ADGRD1: variants seen among roughly 807,000 people sequenced by gnomAD.
ADGRD1 encodes G-protein coupled receptor 133.
A neutral mutation model predicts 113.4 loss-of-function variants in ADGRD1; 77 were observed. That is an observed-to-expected ratio of 0.68 (90% CI 0.57 to 0.82). The LOEUF is 0.82. Ranked by LOEUF, ADGRD1 falls within the 40% of genes least tolerant of loss-of-function variation. The pLI, the probability that ADGRD1 is intolerant of heterozygous loss-of-function variation, is 0.00. For missense variants in ADGRD1, 1,036 were observed against 1,139.1 expected (o/e 0.91, Z 1.30); for synonymous variants, 474 against 475.0 (o/e 1.00, Z 0.03).
chr12:131,103,454 TG>T (rs553625265), intron 15 of ADGRD1, among the ~76,000 whole-genome samples: 34 of 152,378 alleles, frequency 2.2e-4, no homozygotes, highest in African/African-American at 7.9e-4. Flanking sequence ...CTAGCACGTC[TG>T]TAGCCCCTCG....
At position 131,006,027 on chromosome 12, in the gene ADGRD1, C is replaced by G. The variant is rs758260260; in HGVS notation, c.1311C>G (p.Asn437Lys). ...LYHSMHYYLN[N>K]IWPAHTKIAE... ...ACAGCATGCACTACTACCTGAACAA[C>G]ATCTGGCCCGCCCACACCAAGTGAG... Residue 437 changes from asparagine to lysine, a missense_variant, in exon 12 of 25, where the codon AAC (asparagine) becomes AAG (lysine). Transcript: ENST00000261654. 1.2e-6 allele frequency: 2 copies of G among 1,612,832 alleles called. No homozygotes were observed. Among genetic ancestry groups the G allele is most frequent in the Non-Finnish European group, 1.7e-6 (2 of 1,179,982 alleles).
intron 15 of ADGRD1, among the ~76,000 whole-genome samples, chr12:131,101,256 G>A (rs886730697): frequency 6.6e-6 from 1 of 152,022 alleles, no homozygotes; most frequent in Non-Finnish European, 1.5e-5. Flanking sequence ...CTCTTGGGGG[G>A]CTTCCCAGGG....
At chr12:131,029,904 G>A (rs185690142) in intron 13 of ADGRD1, among the ~76,000 whole-genome samples, 10 of 43,800 alleles carry the variant, frequency 2.3e-4, no homozygotes, top group Admixed American at 5.6e-4. Context: ...CCCCTCGTTC[G>A]GTGACATTCC....
At position 130,971,648 on chromosome 12, in the gene ADGRD1, TGACTGGAA is replaced by T; in HGVS notation, c.310+71_310+78del. The T allele has an allele frequency of 6.6e-7, 1 of 1,508,042 alleles. No individual in the cohort carries two copies. The highest frequency in any genetic ancestry group is 9.0e-7 in the Non-Finnish European group (1 of 1,116,432). The allele number at this position is 1,508,042 out of a possible 1,614,324, so 93.4% of individuals were successfully genotyped here. A position where few individuals can be genotyped will look rare whatever the true frequency, so the allele number is the denominator to read the frequency against. ...TCTCAGGGAGCACCTGCTCCTCTGG[TGACTGGAA>T]GATGTGAACCTGAGGTTCTCATCAA... On this transcript the variant is annotated intron_variant, in intron 4 of 24. Transcript: ENST00000261654. The surrounding 1 kb of genome is among the most constrained non-coding windows in gnomAD (Gnocchi z 4.2).
At position 131,050,553 on chromosome 12, in the gene ADGRD1, G is replaced by C. The variant is rs1404726834; in HGVS notation, c.1474-26248G>C. ...AAGGCCTCCGGGAGCTACAGTCATG[G>C]CAGAAGGTGGAGGGAACCAGGCACG... On this transcript the variant is annotated intron_variant, in intron 13 of 24. Transcript: ENST00000261654. The surrounding 1 kb of genome is among the most constrained non-coding windows in gnomAD (Gnocchi z 4.8). Among the ~76,000 whole-genome samples, 1 of 152,142 alleles carries C rather than the reference G, an allele frequency of 6.6e-6. No homozygotes were observed. The highest frequency in any genetic ancestry group is 1.5e-5 in the Non-Finnish European group (1 of 68,024).
chr12:130,968,977 C>T lies in ADGRD1; in HGVS notation c.187+2431C>T, dbSNP rs533838870. The T allele has an allele frequency of 3.9e-5, 60 of 1,524,212 alleles. 1 individual carries two copies. The highest frequency in any genetic ancestry group is 3.3e-4 in the South Asian group (28 of 83,758). 94.4% of individuals were successfully genotyped at this position (1,524,212 alleles called of 1,614,324 possible). A position where few individuals can be genotyped will look rare whatever the true frequency, so the allele number is the denominator to read the frequency against. On this transcript the variant is annotated intron_variant, in intron 3 of 24. Coordinates refer to ENST00000261654, the MANE Select transcript of ADGRD1 (RefSeq NM_198827.5). ...TTTTTCTTTTTGTTGTTTCACCCAGCGTCCCGAACCCACAAGCTCACTGTG... is the reference window on the plus strand; with the variant it reads ...TTTTTCTTTTTGTTGTTTCACCCAGTGTCCCGAACCCACAAGCTCACTGTG...
chr12:131,056,145 T>C (rs1229425878), intron 13 of ADGRD1, among the ~76,000 whole-genome samples: 1 of 152,256 alleles, frequency 6.6e-6, no homozygotes, highest in Non-Finnish European at 1.5e-5. Flanking sequence ...GATTGTGTTA[T>C]GAAAATATTA....
At chr12:131,100,444 TG>T (rs1176344912) in intron 15 of ADGRD1, among the ~76,000 whole-genome samples, 1 of 151,994 alleles carries the variant, frequency 6.6e-6, no homozygotes, top group African/African-American at 2.4e-5. Context: ...TGGTTGATGA[TG>T]GGTTGGTTGA....
chr12:131,072,621 C>T (rs1023505416), intron 13 of ADGRD1, among the ~76,000 whole-genome samples: 4 of 152,156 alleles, frequency 2.6e-5, no homozygotes, highest in Admixed American at 6.5e-5. Context: ...TGGGGGGTGG[C>T]GCCTGCATTC....
rs1402539821 is a variant in ADGRD1 at position 131,003,173 on chromosome 12, G to A, written c.1027-12G>A. The A allele has an allele frequency of 1.0e-5, 16 of 1,599,566 alleles. No individual in the cohort carries two copies. Among genetic ancestry groups the A allele is most frequent in the African/African-American group, 8.0e-5 (6 of 74,608 alleles). On this transcript the variant is annotated splice_polypyrimidine_tract_variant and intron_variant, in intron 9 of 24. Transcript: ENST00000261654. The surrounding 1 kb of genome is among the most constrained non-coding windows in gnomAD (Gnocchi z 4.8). ...TGGATTTTCATGGCTCCTGGTGCTT[G>A]TGTTGCTGCAGGACAGCGCCGTGGT...
Position 131,014,050 on chromosome 12 carries a change from G to A in ADGRD1, c.1332-149G>A, listed in dbSNP as rs139300327. 749 of 722,976 alleles carry A rather than the reference G, an allele frequency of 1.0e-3. 4 individuals carry two copies. The African/African-American group carries it at 0.012, about 11-fold the overall frequency. 44.8% of individuals were successfully genotyped at this position (722,976 alleles called of 1,614,324 possible). ...GCTTCACATCTTGAAGGAGAGCAGCGGGAGCTGAATGAAAGAAATCAAAGC... is the reference window on the plus strand; with the variant it reads ...GCTTCACATCTTGAAGGAGAGCAGCAGGAGCTGAATGAAAGAAATCAAAGC... On this transcript the variant is annotated intron_variant, in intron 12 of 24. Coordinates refer to ENST00000261654, the MANE Select transcript of ADGRD1 (RefSeq NM_198827.5).
intron 13 of ADGRD1, among the ~76,000 whole-genome samples, chr12:131,019,462 A>G (rs1056165577): frequency 1.3e-5 from 2 of 152,250 alleles, no homozygotes; most frequent in African/African-American, 4.8e-5. Flanking sequence ...ACTGCGTTCA[A>G]CCAAAAGCTG....
At chr12:131,033,896 G>A (rs1880841) in intron 13 of ADGRD1, among the ~76,000 whole-genome samples, 3,968 of 152,208 alleles carry the variant, frequency 0.026, 171 homozygotes, top group African/African-American at 0.091. Context: ...GCATTTTCAC[G>A]GCACTCCTGG....
chr12:131,087,953 G>A (rs535908283), intron 15 of ADGRD1, among the ~76,000 whole-genome samples: 1 of 152,354 alleles, frequency 6.6e-6, no homozygotes, highest in African/African-American at 2.4e-5. Context: ...AGTTTGAGGA[G>A]CACCGTCCTC....
intron 2 of ADGRD1, among the ~76,000 whole-genome samples, chr12:130,958,348 C>G (rs886144273): frequency 6.6e-6 from 1 of 151,950 alleles, no homozygotes; most frequent in Non-Finnish European, 1.5e-5. Flanking sequence ...TACAGGCGCC[C>G]GTGACCAAGG....
In ADGRD1 at chr12:131,108,837, G is replaced by A. The variant is rs60880996; in HGVS notation, c.2001G>A (p.Ser667=). The change falls in exon 18 of 25, where the codon TCG becomes TCA. Residue 667 remains serine (S), a synonymous_variant. Coordinates refer to ENST00000261654, the MANE Select transcript of ADGRD1 (RefSeq NM_198827.5). ...LYSMVIKVFG[S]EDSKHRYYYG... Reference sequence around the variant, plus strand: ...GCATGGTGATCAAGGTCTTTGGGTCGGAGGACAGCAAGCACCGTTACTACT... The same window carrying A: ...GCATGGTGATCAAGGTCTTTGGGTCAGAGGACAGCAAGCACCGTTACTACT... 445 of 1,613,726 alleles carry A rather than the reference G, an allele frequency of 2.8e-4. No individual in the cohort carries two copies. In the African/African-American group the frequency reaches 5.1e-3, roughly 18 times the overall value.
rs745413177 is a variant in ADGRD1, at chr12:131,022,842, CG to C, written c.1473+8505del. 2.8e-5 allele frequency: 4 copies of C among 145,064 alleles called. No homozygotes were observed. 9.0% of individuals were successfully genotyped at this position (145,064 alleles called of 1,614,324 possible). The stretch of plus-strand genomic sequence containing the variant: ...TCAGTCCTCTCTCGGTGGACAGAGC[CG>C]GGAAATCTGTGTGTGTGTGCTCTCA... On this transcript the variant is annotated intron_variant, in intron 13 of 24. Transcript: ENST00000261654. The surrounding 1 kb of genome is among the most constrained non-coding windows in gnomAD (Gnocchi z 4.6).
At chr12:131,137,628 C>T in intron 23 of ADGRD1, 1 of 213,918 alleles carries the variant, frequency 4.7e-6, no homozygotes, top group African/African-American at 2.3e-5. Flanking sequence ...GTGGCGGTGT[C>T]CGTTTGCAAG....
Position 131,100,761 on chromosome 12 carries a change from G to A in ADGRD1, c.1672-4070G>A, listed in dbSNP as rs369161748. On this transcript the variant is annotated intron_variant, in intron 15 of 24. Coordinates refer to ENST00000261654, the MANE Select transcript of ADGRD1 (RefSeq NM_198827.5). ...GGTGGCCAAGAACGGAGATTAAGAT[G>A]TTTTAGAGAGTTGGCTGACCAACTG... Among the ~76,000 whole-genome samples the A allele has an allele frequency of 2.0e-5, 3 of 152,362 alleles. No homozygotes were observed. The East Asian group carries it at 5.8e-4, about 29-fold the overall frequency.
Sources: gnomAD v4.1 joint callset for allele counts (sites outside exome capture counted in the v4.1 genomes callset) on GRCh38, gnomAD v4.1.1 for gene constraint, Gnocchi (gnomAD v3.1) non-coding constraint, MANE v1.5 for transcripts, NCBI Gene and HGNC (gene_info 2026-07-23, HGNC 2026-07-21) for gene names.